Variants in DAPK1 observed in about 807,000 individuals in gnomAD.
The protein encoded by DAPK1 is death-associated protein kinase 1.
In DAPK1, 56 loss-of-function variants were observed where a neutral mutation model predicts 144.9. The observed-to-expected ratio is 0.39, with a 90% CI of 0.31 to 0.48. The LOEUF is 0.48. DAPK1 is among the 20% of genes least tolerant of loss of function. The pLI is 0.95. For synonymous variants in DAPK1, 690 were observed against 749.0 expected (o/e 0.92, Z 1.29); for missense variants, 1,454 against 1,875.4 (o/e 0.78, Z 4.15).
intron 19 of DAPK1, among the ~76,000 whole-genome samples, chr9:87,672,823 C>T (rs1824223832): frequency 6.6e-6 from 1 of 152,102 alleles, no homozygotes. Context: ...CGGCAGCTTC[C>T]TTGGAGAATG....
chr9:87,525,591 G>A (rs1269571517), intron 2 of DAPK1: 2 of 726,086 alleles, frequency 2.8e-6, no homozygotes, highest in Non-Finnish European at 4.6e-6. Context: ...TTGAATAAAC[G>A]AAGGCCAAAA....
In DAPK1 at chr9:87,620,199, T is replaced by G. The variant is rs36208750; in HGVS notation, c.284+15024T>G. 2.1e-3 allele frequency among the ~76,000 whole-genome samples: 325 copies of G among 152,236 alleles called. 1 individual carries two copies. Among genetic ancestry groups the G allele is most frequent in the African/African-American group, 7.6e-3 (315 of 41,554 alleles). The stretch of plus-strand genomic sequence containing the variant: ...CGTGCCCCTCCGCTCGTGCCCCTCC[T>G]TGGTCTCTGATTCCCTCTCCTCTCA... On this transcript the variant is annotated intron_variant, in intron 3 of 25. Coordinates refer to ENST00000408954, the MANE Select transcript of DAPK1 (RefSeq NM_004938.4).
chr9:87,632,900 A>G (rs1829751595), intron 3 of DAPK1: 1 of 880,448 alleles, frequency 1.1e-6, no homozygotes, highest in Non-Finnish European at 1.3e-6. Context: ...ATGAAGGAGG[A>G]TGAGTATATA....
chr9:87,672,194 G>A (rs759024933), intron 19 of DAPK1, among the ~76,000 whole-genome samples: 1 of 152,222 alleles, frequency 6.6e-6, no homozygotes, highest in Non-Finnish European at 1.5e-5. Context: ...ACAGCTGTGA[G>A]GTGCAGCAGT....
chr9:87,523,945 C>T (rs529883839), intron 2 of DAPK1, among the ~76,000 whole-genome samples: 17 of 152,304 alleles, frequency 1.1e-4, no homozygotes, highest in African/African-American at 2.9e-4. Flanking sequence ...AAATACAAGC[C>T]TTACGGTGTT....
intron 2 of DAPK1, chr9:87,506,858 A>G (rs1237418509): frequency 6.6e-6 from 1 of 152,064 alleles, no homozygotes; most frequent in African/African-American, 2.4e-5. Context: ...AGAAGTTGAC[A>G]CTCCGATTTT....
At chr9:87,665,495 GA>G (rs1386480722) in intron 18 of DAPK1, among the ~76,000 whole-genome samples, 2 of 152,188 alleles carry the variant, frequency 1.3e-5, no homozygotes, top group South Asian at 4.1e-4. Context: ...CATTCTTTCA[GA>G]TCATCTTTTC....
chr9:87,515,323 A>G (rs2118158739), intron 2 of DAPK1, among the ~76,000 whole-genome samples: 1 of 152,318 alleles, frequency 6.6e-6, no homozygotes, highest in African/African-American at 2.4e-5. Flanking sequence ...AATGGTCTGG[A>G]TTTACCCTGT....
chr9:87,537,660 G>A (rs1397209693), intron 2 of DAPK1, among the ~76,000 whole-genome samples: 2 of 152,108 alleles, frequency 1.3e-5, no homozygotes, highest in African/African-American at 2.4e-5. Context: ...GTGTGTGCGC[G>A]TTAGTGTGTC....
chr9:87,533,704 C>A (rs538083631), intron 2 of DAPK1, among the ~76,000 whole-genome samples: 55 of 152,170 alleles, frequency 3.6e-4, no homozygotes, highest in Non-Finnish European at 7.8e-4. Context: ...ACTCTGTCAC[C>A]CAGGCTGGAG....
At chr9:87,571,473 A>ACACACACACAC (rs377253457) in intron 2 of DAPK1, among the ~76,000 whole-genome samples, 1 of 57,620 alleles carries the variant, frequency 1.7e-5, no homozygotes, top group Non-Finnish European at 3.1e-5. Flanking sequence ...ACACACACAC[A>ACACACACACAC]CCAACACACA....
At chr9:87,498,424 C>G (rs377538321) in intron 1 of DAPK1, 98 of 310,282 alleles carry the variant, frequency 3.2e-4, no homozygotes, top group African/African-American at 1.2e-3. Context: ...CACGCCGGGT[C>G]GGCCGGGTAA....
chr9:87,672,442 G>A (rs1824206865), intron 19 of DAPK1, among the ~76,000 whole-genome samples: 1 of 152,154 alleles, frequency 6.6e-6, no homozygotes, highest in African/African-American at 2.4e-5. Context: ...TGGGCTCGGG[G>A]GGCTCCAGGG....
Position 87,638,051 on chromosome 9 carries a change from C to T in DAPK1, c.393C>T (p.His131=), listed in dbSNP as rs55800264. The T allele has an allele frequency of 0.016, 25,434 of 1,613,364 alleles. 262 individuals carry two copies. Among genetic ancestry groups the T allele is most frequent in the Non-Finnish European group, 0.018 (21,582 of 1,179,358 alleles). Residue 131 remains histidine, a synonymous_variant, in exon 4 of 26, where the codon CAC becomes CAT. Transcript: ENST00000408954. ...KQILNGVYYL[H]SLQIAHFDLK... ...TTCTTAATGGTGTTTACTACCTGCA[C>T]TCCCTTCAAATCGCCCACTTTGATC...
intron 21 of DAPK1, among the ~76,000 whole-genome samples, chr9:87,688,352 C>A (rs3128488): frequency 1.4e-4 from 22 of 151,958 alleles, no homozygotes; most frequent in African/African-American, 5.3e-4. Context: ...TGATGGGCGC[C>A]TAGGTTGACT....
chr9:87,554,510 A>G (rs1247990334), intron 2 of DAPK1: 1 of 152,272 alleles, frequency 6.6e-6, no homozygotes, highest in East Asian at 1.9e-4. Context: ...ACCTCCGGAC[A>G]TAACAGTGAC....
intron 19 of DAPK1, among the ~76,000 whole-genome samples, chr9:87,677,386 G>A (rs376003508): frequency 5.9e-5 from 9 of 152,292 alleles, no homozygotes; most frequent in East Asian, 3.9e-4. Flanking sequence ...ACCATGGTTC[G>A]AGTCTCCTGA....
At chr9:87,623,480 C>T (rs1480910917) in intron 3 of DAPK1, among the ~76,000 whole-genome samples, 1 of 152,136 alleles carries the variant, frequency 6.6e-6, no homozygotes, top group Non-Finnish European at 1.5e-5. Flanking sequence ...GGTTTGGTCC[C>T]TCATGCACGA....
At chr9:87,692,460 A>C (rs1247385706) in intron 21 of DAPK1, among the ~76,000 whole-genome samples, 1 of 152,138 alleles carries the variant, frequency 6.6e-6, no homozygotes, top group Non-Finnish European at 1.5e-5. Context: ...GGAAAAGTTA[A>C]TTCATATACA....
Sources: gnomAD v4.1 joint callset for allele counts (sites outside exome capture counted in the v4.1 genomes callset) on GRCh38, gnomAD v4.1.1 for gene constraint, MANE v1.5 for transcripts, NCBI Gene and HGNC (gene_info 2026-07-23, HGNC 2026-07-21) for gene names.